Variants in KIF13B observed in about 807,000 individuals in gnomAD.
KIF13B encodes the protein kinesin-like protein KIF13B.
In KIF13B, 127 loss-of-function variants were observed where a neutral mutation model predicts 222.0. The ratio of observed to expected loss-of-function variants is 0.57; its 90% CI spans 0.50 to 0.66. The LOEUF (loss-of-function observed/expected upper bound fraction) is 0.66. KIF13B is among the 30% of genes least tolerant of loss of function. The pLI, the probability that KIF13B is intolerant of heterozygous loss-of-function variation, is 0.00. For synonymous variants in KIF13B, 976 were observed against 919.0 expected (o/e 1.06, Z -1.12); for missense variants, 2,173 against 2,379.0 (o/e 0.91, Z 1.80).
intron 10 of KIF13B, among the ~76,000 whole-genome samples, chr8:29,169,892 T>C (rs904891522): frequency 7.2e-5 from 11 of 152,240 alleles, no homozygotes; most frequent in Non-Finnish European, 1.6e-4. Context: ...TCAGCCCACG[T>C]GAACAGCAAA....
chr8:29,094,727 A>AT (rs1465220300), intron 36 of KIF13B, among the ~76,000 whole-genome samples: 1 of 152,260 alleles, frequency 6.6e-6, no homozygotes, highest in African/African-American at 2.4e-5. Context: ...ACTGGATTTA[A>AT]CAGACAACGA....
chr8:29,130,957 T>G (rs1180450302), intron 23 of KIF13B, among the ~76,000 whole-genome samples: 4 of 152,192 alleles, frequency 2.6e-5, no homozygotes, highest in African/African-American at 9.7e-5. Context: ...TAATCAGATG[T>G]ACAGAAGCAG....
Position 29,142,347 on chromosome 8 carries a change from G to T in KIF13B, c.2188-44C>A. On this transcript the variant is annotated intron_variant, in intron 18 of 39. Transcript: ENST00000524189. Reference sequence around the variant, plus strand: ...TGACCGTGAGAAACACACAGGCAGCGGGGAAGTCAAAGCTGACAATTCCAC... The same window carrying T: ...TGACCGTGAGAAACACACAGGCAGCTGGGAAGTCAAAGCTGACAATTCCAC... 1.3e-6 allele frequency: 2 copies of T among 1,564,014 alleles called. No homozygotes were observed. Among genetic ancestry groups the T allele is most frequent in the South Asian group, 1.2e-5 (1 of 86,178 alleles).
At chr8:29,126,097 A>G (rs193189280) in intron 26 of KIF13B, among the ~76,000 whole-genome samples, 5 of 152,156 alleles carry the variant, frequency 3.3e-5, no homozygotes, top group Admixed American at 1.3e-4. Flanking sequence ...AAAAAAAAAA[A>G]CAAAAACAAA....
intron 21 of KIF13B, among the ~76,000 whole-genome samples, chr8:29,137,522 T>C (rs58302153): frequency 0.17 from 26,418 of 152,258 alleles, 2,488 homozygotes; most frequent in Admixed American, 0.28. Flanking sequence ...TGTTAATATG[T>C]GCATATAGCC....
At chr8:29,099,310 TACTC>T in intron 35 of KIF13B, 69 bp from the exon 36 acceptor site, 2 of 1,060,666 alleles carry the variant, frequency 1.9e-6, no homozygotes, top group South Asian at 1.5e-5. Flanking sequence ...AAATTACAGA[TACTC>T]AAGAAAAAAA....
At chr8:29,146,268 T>C (rs1258187720) in intron 18 of KIF13B, 110 bp downstream of exon 18, 1 of 1,087,736 alleles carries the variant, frequency 9.2e-7, no homozygotes, top group African/African-American at 1.5e-5. Context: ...ACAAAGGATC[T>C]GGACTTGGGG....
chr8:29,198,566 G>A (rs536263795), intron 2 of KIF13B, among the ~76,000 whole-genome samples: 3 of 152,060 alleles, frequency 2.0e-5, no homozygotes, highest in Admixed American at 6.6e-5. Flanking sequence ...CAAGTGATCC[G>A]CCCGCCTCGG....
chr8:29,081,808 T>C (rs1445406833), intron 37 of KIF13B, among the ~76,000 whole-genome samples: 7 of 152,228 alleles, frequency 4.6e-5, no homozygotes, highest in Non-Finnish European at 1.5e-5. Flanking sequence ...AGATGGCACA[T>C]TAAAATTCCT....
intron 37 of KIF13B, among the ~76,000 whole-genome samples, chr8:29,082,559 C>A (rs1016408255): frequency 6.6e-6 from 1 of 152,014 alleles, no homozygotes; most frequent in Non-Finnish European, 1.5e-5. Context: ...GGAGGACTTG[C>A]GCCCAGGAGT....
chr8:29,263,058 T>C lies in KIF13B; in HGVS notation c.-24A>G. On this transcript the variant is annotated 5_prime_UTR_variant, in exon 1 of 40. Coordinates refer to ENST00000524189, the MANE Select transcript of KIF13B (RefSeq NM_015254.4). ...ATCCTGCAGCCGCCGAGGAACTCGT[T>C]CGGCTTCCGTCTGCCGCGGCCACCG... 1 of 1,552,674 alleles carries C rather than the reference T, an allele frequency of 6.4e-7. No homozygotes were observed. Among genetic ancestry groups the C allele is most frequent in the East Asian group, 2.5e-5 (1 of 39,910 alleles).
Position 29,070,436 on chromosome 8 carries a change from A to G in KIF13B, c.*68T>C. 1 of 1,565,832 alleles carries G rather than the reference A, an allele frequency of 6.4e-7. No homozygotes were observed. Among genetic ancestry groups the G allele is most frequent in the South Asian group, 1.2e-5 (1 of 86,600 alleles). On this transcript the variant is annotated 3_prime_UTR_variant, in exon 40 of 40. Coordinates refer to ENST00000524189, the MANE Select transcript of KIF13B (RefSeq NM_015254.4). The surrounding 1 kb of genome is among the most constrained non-coding windows in gnomAD (Gnocchi z 4.1). ...GGGGCCACCGGGCTCCTGGCTCCTC[A>G]GGGCTGTCACTGGCAGGGCTCAAAA...
chr8:29,077,342 G>A (rs983461640), intron 37 of KIF13B, among the ~76,000 whole-genome samples: 1 of 152,154 alleles, frequency 6.6e-6, no homozygotes, highest in African/African-American at 2.4e-5. Flanking sequence ...TCAAGCACGC[G>A]TCCCACACTG....
intron 24 of KIF13B, among the ~76,000 whole-genome samples, 179 bp downstream of exon 24, chr8:29,130,354 C>A (rs943819096): frequency 6.6e-6 from 1 of 151,876 alleles, no homozygotes; most frequent in Admixed American, 6.6e-5. Flanking sequence ...GTCTCTACTT[C>A]ATTAAAAGAA....
intron 1 of KIF13B, among the ~76,000 whole-genome samples, chr8:29,246,339 T>C (rs984383643): frequency 6.8e-6 from 1 of 147,326 alleles, no homozygotes; most frequent in Non-Finnish European, 1.5e-5. Flanking sequence ...ATCGTGCCAC[T>C]GCACTCCAGC....
Position 29,157,083 on chromosome 8 carries a change from A to G in KIF13B, c.1405-1227T>C, listed in dbSNP as rs534742464. On this transcript the variant is annotated intron_variant, in intron 13 of 39. Transcript: ENST00000524189. Reference sequence around the variant, plus strand: ...CCATGTCAATCAGGGAAAACCTTACAGATTTTTCCTCCAAGGTCTATCAAG... The same window carrying G: ...CCATGTCAATCAGGGAAAACCTTACGGATTTTTCCTCCAAGGTCTATCAAG... Among the ~76,000 whole-genome samples, 262 of 152,062 alleles carry G rather than the reference A, an allele frequency of 1.7e-3. 2 individuals are homozygous for G. The highest frequency in any genetic ancestry group is 5.9e-3 in the African/African-American group (246 of 41,448).
intron 37 of KIF13B, among the ~76,000 whole-genome samples, chr8:29,087,506 C>T (rs1466272809): frequency 1.3e-5 from 2 of 152,180 alleles, no homozygotes; most frequent in African/African-American, 4.8e-5. Context: ...AATTAGACCA[C>T]ATAATAAAAG....
chr8:29,127,084 T>A (rs759601648), intron 25 of KIF13B, 38 bp downstream of exon 25: 4 of 1,600,340 alleles, frequency 2.5e-6, no homozygotes, highest in Admixed American at 3.4e-5. Context: ...GGTCTGATTT[T>A]GTCTTTCAAG....
chr8:29,089,885 CAAAAAA>C (rs11307766), intron 37 of KIF13B, among the ~76,000 whole-genome samples: 5 of 118,148 alleles, frequency 4.2e-5, no homozygotes, highest in Admixed American at 1.7e-4. Context: ...GACTCTGTCT[CAAAAAA>C]AAAAAAAAAA....
Sources: allele counts gnomAD v4.1 joint callset (sites outside exome capture counted in the v4.1 genomes callset), GRCh38; gene constraint gnomAD v4.1.1; non-coding constraint Gnocchi (gnomAD v3.1); transcripts MANE v1.5; gene names NCBI Gene and HGNC (gene_info 2026-07-23, HGNC 2026-07-21).